The following USH2A variants were observed in gnomAD, a reference collection of about 807,000 sequenced individuals.
USH2A encodes the protein usherin, also known as Usher syndrome 2A (autosomal recessive, mild).
Under a neutral mutation model 538.9 loss-of-function variants are expected in USH2A, and 443 were observed. That is an observed-to-expected ratio of 0.82 (90% CI 0.76 to 0.89). The LOEUF (loss-of-function observed/expected upper bound fraction) is 0.89. Among genes scored for constraint, USH2A ranks in the 40% least tolerant of loss-of-function variants. USH2A has a pLI of 0.00. For missense variants in USH2A, 6,633 were observed against 6,324.8 expected (o/e 1.05, Z -1.65); for synonymous variants, 2,413 against 2,273.5 (o/e 1.06, Z -1.75).
intron 38 of USH2A, among the ~76,000 whole-genome samples, chr1:215,909,952 C>T (rs1558156499): frequency 6.6e-6 from 1 of 152,026 alleles, no homozygotes; most frequent in East Asian, 1.9e-4. Flanking sequence ...TCTGGATTGC[C>T]TAAGATATTT....
Position 215,817,333 on chromosome 1 carries a change from T to C in USH2A, c.9372-138A>G, listed in dbSNP as rs374281794. ...TATGTTTATATATGAAATCATATATTTTCAAATCAATCAAAATTATGTTAG... is the reference window on the plus strand; with the variant it reads ...TATGTTTATATATGAAATCATATATCTTCAAATCAATCAAAATTATGTTAG... On this transcript the variant is annotated intron_variant, in intron 47 of 71. Coordinates refer to ENST00000307340, the MANE Select transcript of USH2A (RefSeq NM_206933.4). 3.0e-5 allele frequency: 13 copies of C among 431,294 alleles called. No individual in the cohort carries two copies. In the South Asian group the frequency reaches 9.2e-4, roughly 31 times the overall value. The allele number at this position is 431,294 out of a possible 1,614,324, so 26.7% of individuals were successfully genotyped here.
intron 40 of USH2A, 41 bp downstream of exon 40, chr1:215,900,032 CTA>C: frequency 2.5e-6 from 4 of 1,612,964 alleles, no homozygotes; most frequent in Non-Finnish European, 3.4e-6. Context: ...TTTAAGCTCC[CTA>C]TGTAGAAGAC....
chr1:215,960,958 T>A (rs1667184110), intron 37 of USH2A, among the ~76,000 whole-genome samples: 1 of 152,108 alleles, frequency 6.6e-6, no homozygotes, highest in Non-Finnish European at 1.5e-5. Flanking sequence ...TTTTTATTTG[T>A]AAATTCTGTC....
intron 38 of USH2A, among the ~76,000 whole-genome samples, chr1:215,933,072 CTATT>C (rs1430737993): frequency 5.3e-5 from 8 of 151,858 alleles, no homozygotes; most frequent in South Asian, 2.1e-4. Context: ...AAATCACAAA[CTATT>C]TAATCAGTAT....
intron 20 of USH2A, among the ~76,000 whole-genome samples, chr1:216,182,568 T>C (rs1193340348): frequency 6.6e-6 from 1 of 152,060 alleles, no homozygotes; most frequent in African/African-American, 2.4e-5. Flanking sequence ...TTTTGTTTTG[T>C]TAGAAATAAT....
intron 21 of USH2A, among the ~76,000 whole-genome samples, chr1:216,113,964 A>T (rs2032939517): frequency 6.6e-6 from 1 of 151,690 alleles, no homozygotes; most frequent in South Asian, 2.1e-4. Flanking sequence ...TTTCTTTCTT[A>T]CTTACAAATT....
intron 51 of USH2A, among the ~76,000 whole-genome samples, chr1:215,788,796 T>C (rs982592939): frequency 2.0e-5 from 3 of 152,172 alleles, no homozygotes; most frequent in Non-Finnish European, 2.9e-5. Flanking sequence ...CAGACCAAAC[T>C]ATCAATCCTG....
chr1:216,170,795 A>T (rs1162265883), intron 21 of USH2A, among the ~76,000 whole-genome samples: 3 of 152,156 alleles, frequency 2.0e-5, no homozygotes, highest in Non-Finnish European at 2.9e-5. Flanking sequence ...TAAATCAAGT[A>T]GATTTACTCT....
At position 216,247,222 on chromosome 1, in the gene USH2A, A is replaced by G. The variant is rs2036070161; in HGVS notation, c.2172T>C (p.Leu724=). 2.5e-6 allele frequency: 4 copies of G among 1,613,924 alleles called. No individual in the cohort carries two copies. Among genetic ancestry groups the G allele is most frequent in the Middle Eastern group, 3.3e-4 (2 of 6,054 alleles). Residue 724 remains leucine (L), a synonymous_variant, in exon 13 of 72, where the codon CTT becomes CTC. Coordinates refer to ENST00000307340, the MANE Select transcript of USH2A (RefSeq NM_206933.4). ...ATCCAAAATTGCAATGATCACACCTAAGCCCTAAAGATAAAATATATTTAA... is the reference window on the plus strand; with the variant it reads ...ATCCAAAATTGCAATGATCACACCTGAGCCCTAAAGATAAAATATATTTAA... ...QCKCKANVIG[L]RCDHCNFGFK... is the part of the protein sequence containing the mutation.
chr1:216,196,634 T>G lies in USH2A; in HGVS notation c.4170A>C (p.Thr1390=). 6.2e-7 allele frequency: 1 copy of G among 1,613,628 alleles called. No homozygotes were observed. Among genetic ancestry groups the G allele is most frequent in the Non-Finnish European group, 8.5e-7 (1 of 1,179,710 alleles). Residue 1390 remains threonine, a synonymous_variant, in exon 19 of 72, where the codon ACA becomes ACC. Coordinates refer to ENST00000307340, the MANE Select transcript of USH2A (RefSeq NM_206933.4). ...ISWEKPADNV[T]RGKVVGYDIN... The stretch of plus-strand genomic sequence containing the variant: ...TGTCATACCCCACAACTTTTCCTCT[T>G]GTAACATTATCTGCTGGCTTCTCCC...
intron 3 of USH2A, among the ~76,000 whole-genome samples, chr1:216,391,028 A>G (rs1473012877): frequency 2.0e-4 from 31 of 152,218 alleles, no homozygotes; most frequent in Admixed American, 2.0e-3. Flanking sequence ...AGGGAAGGTA[A>G]AAACAGGATA....
chr1:215,830,663 G>A (rs1029496856), intron 47 of USH2A, among the ~76,000 whole-genome samples: 3 of 152,170 alleles, frequency 2.0e-5, no homozygotes, highest in Non-Finnish European at 4.4e-5. Flanking sequence ...ACGAACGCAA[G>A]TCCTGACTCA....
At chr1:216,037,324 T>C (rs2030033135) in intron 32 of USH2A, among the ~76,000 whole-genome samples, 1 of 152,124 alleles carries the variant, frequency 6.6e-6, no homozygotes, top group African/African-American at 2.4e-5. Context: ...TTGGCTAACA[T>C]TCTCAAAACA....
At position 215,728,236 on chromosome 1, in the gene USH2A, G is replaced by A; in HGVS notation, c.11860C>T (p.Leu3954=). Residue 3954 remains leucine (L), a synonymous_variant, in exon 61 of 72, where the codon CTG becomes TTG. Transcript: ENST00000307340. Reference sequence around the variant, plus strand: ...TCCAGAGTTTGTGTTAATGACCACAGACTCTCCACTGAACCCTTGGAGTTA... The same window carrying A: ...TCCAGAGTTTGTGTTAATGACCACAAACTCTCCACTGAACCCTTGGAGTTA... ...ACNSKGSVES[L]WSLTQTLEAP... is the part of the protein sequence containing the mutation. The A allele has an allele frequency of 2.5e-6, 4 of 1,614,152 alleles. No homozygotes were observed. Among genetic ancestry groups the A allele is most frequent in the Non-Finnish European group, 3.4e-6 (4 of 1,180,026 alleles).
At chr1:216,218,321 AC>A (rs1484211953) in intron 14 of USH2A, among the ~76,000 whole-genome samples, 1 of 152,138 alleles carries the variant, frequency 6.6e-6, no homozygotes, top group Non-Finnish European at 1.5e-5. Context: ...TTGTTTCTTC[AC>A]AGTGAATTAT....
At position 216,365,053 on chromosome 1, in the gene USH2A, A is replaced by G; in HGVS notation, c.684T>C (p.Asn228=). ...VHQTKISFFI[N]GVEKDHTPFN... Reference sequence around the variant, plus strand: ...AAGGTGTATGATCCTTCTCCACGCCATTGATAAAGAAGCTGATTTTTGTCT... The same window carrying G: ...AAGGTGTATGATCCTTCTCCACGCCGTTGATAAAGAAGCTGATTTTTGTCT... The change falls in exon 4 of 72, where the codon AAT becomes AAC. Residue 228 remains asparagine, a synonymous_variant. Transcript: ENST00000307340. 6.2e-7 allele frequency: 1 copy of G among 1,613,400 alleles called. No individual in the cohort carries two copies. The highest frequency in any genetic ancestry group is 8.5e-7 in the Non-Finnish European group (1 of 1,179,550).
intron 43 of USH2A, among the ~76,000 whole-genome samples, chr1:215,873,427 G>C (rs780276086): frequency 2.0e-5 from 3 of 151,970 alleles, no homozygotes; most frequent in Non-Finnish European, 4.4e-5. Flanking sequence ...ATAGAAACAC[G>C]TGTCATGGAA....
chr1:215,928,887 AG>A (rs1436223037), intron 38 of USH2A, among the ~76,000 whole-genome samples: 3 of 152,174 alleles, frequency 2.0e-5, no homozygotes, highest in African/African-American at 7.2e-5. Flanking sequence ...AAGCTAAAAA[AG>A]TTAGTCATTA....
chr1:216,139,255 G>A (rs930718603), intron 21 of USH2A, among the ~76,000 whole-genome samples: 1 of 151,644 alleles, frequency 6.6e-6, no homozygotes, highest in African/African-American at 2.4e-5. Flanking sequence ...CTCTCAACTT[G>A]CCTGAAATTG....
Sources: allele counts gnomAD v4.1 joint callset (sites outside exome capture counted in the v4.1 genomes callset), GRCh38; gene constraint gnomAD v4.1.1; transcripts MANE v1.5; gene names NCBI Gene and HGNC (gene_info 2026-07-23, HGNC 2026-07-21).